Variants in DNTTIP1 observed in about 807,000 individuals in gnomAD.
DNTTIP1 encodes deoxynucleotidyltransferase terminal-interacting protein 1.
DNTTIP1 carries 22 observed loss-of-function variants against 52.9 expected under a neutral mutation model. The ratio of observed to expected loss-of-function variants is 0.42; its 90% CI spans 0.30 to 0.59. DNTTIP1 has a LOEUF of 0.59. DNTTIP1 is among the 20% of genes least tolerant of loss of function. DNTTIP1 has a pLI of 0.22. For missense variants in DNTTIP1, 286 were observed against 435.5 expected, an observed-to-expected ratio of 0.66 and a Z score of 3.06; for synonymous variants, 136 against 155.1, an observed-to-expected ratio of 0.88 and a Z score of 0.92.
chr20:45,792,444 T>A, intron 1 of DNTTIP1: 1 of 501,190 alleles, frequency 2.0e-6, no homozygotes, highest in South Asian at 3.2e-5. Flanking sequence ...AAATACTGCT[T>A]CCCTTCCTCC....
intron 4 of DNTTIP1, among the ~76,000 whole-genome samples, chr20:45,797,850 G>T (rs895526495): frequency 9.2e-5 from 14 of 152,336 alleles, no homozygotes; most frequent in Non-Finnish European, 1.9e-4. Flanking sequence ...TGGAGAGGAT[G>T]TGGAGAAATA....
At position 45,794,431 on chromosome 20, in the gene DNTTIP1, GCCA is replaced by G. The variant is rs1330540390; in HGVS notation, c.273+415_273+417del. Among the ~76,000 whole-genome samples the G allele has an allele frequency of 6.6e-5, 10 of 152,188 alleles. No individual in the cohort carries two copies. In the East Asian group the frequency reaches 1.9e-3, roughly 30 times the overall value. On this transcript the variant is annotated intron_variant, in intron 3 of 12. Coordinates refer to ENST00000372622, the MANE Select transcript of DNTTIP1 (RefSeq NM_052951.3). ...CAAAGTGCTGGGATTATAGGTGTGA[GCCA>G]GGGCACCTGGTCAGTTTTCAAATTT...
In DNTTIP1 at chr20:45,801,779, C is replaced by G. The variant is rs540383292; in HGVS notation, c.499-220C>G. ...CTCCAGGCTGAGTAACAGAGTAAGA[C>G]CCTGTCTCTCAAAAAAGGCTCTTCA... On this transcript the variant is annotated intron_variant, in intron 6 of 12. Coordinates refer to ENST00000372622, the MANE Select transcript of DNTTIP1 (RefSeq NM_052951.3). Among the ~76,000 whole-genome samples, 359 of 152,300 alleles carry G rather than the reference C, an allele frequency of 2.4e-3. 2 individuals carry two copies. Among genetic ancestry groups the G allele is most frequent in the African/African-American group, 8.0e-3 (334 of 41,566 alleles).
chr20:45,792,797 G>C, intron 2 of DNTTIP1, 50 bp downstream of exon 2: 1 of 1,545,406 alleles, frequency 6.5e-7, no homozygotes, highest in South Asian at 1.2e-5. Flanking sequence ...GGCTTGCATG[G>C]CAGATTTGGG....
rs781472079 is a variant in DNTTIP1, at chr20:45,801,985, G to GT, written c.499-8dup. The GT allele has an allele frequency of 6.2e-7, 1 of 1,614,152 alleles. No individual in the cohort carries two copies. Among genetic ancestry groups the GT allele is most frequent in the Non-Finnish European group, 8.5e-7 (1 of 1,179,988 alleles). ...CCACAGGGTCAGACCTCTGACAGCT[G>GT]TTTTTTGTGGCAGAGGAAAGGACGG... On this transcript the variant is annotated splice_polypyrimidine_tract_variant and intron_variant, in intron 6 of 12. Transcript: ENST00000372622.
rs1245797079 is a variant in DNTTIP1, at chr20:45,810,927, A to G, written c.838A>G (p.Ser280Gly). ...IEEDIRDLAASDDYRGCLDLK... is the reference protein window; with the variant it reads ...IEEDIRDLAAGDDYRGCLDLK... ...GGAGGACATCCGGGACCTTGCGGCC[A>G]GTGATGATTACAGGTAAAACCAGTG... Residue 280 changes from serine (S) to glycine (G), a missense_variant, in exon 12 of 13, where the codon AGT becomes GGT. By Grantham distance (56) the Ser-to-Gly change is moderately conservative (BLOSUM62 0). Coordinates refer to ENST00000372622, the MANE Select transcript of DNTTIP1 (RefSeq NM_052951.3). 4 of 1,614,050 alleles carry G rather than the reference A, an allele frequency of 2.5e-6. No individual in the cohort carries two copies. The Admixed American group carries it at 6.7e-5, about 27-fold the overall frequency.
rs955274484 is a variant in DNTTIP1, at chr20:45,791,977, C to T, written c.-28C>T. The T allele has an allele frequency of 3.3e-6, 4 of 1,227,490 alleles. No homozygotes were observed. The highest frequency in any genetic ancestry group is 4.1e-6 in the Non-Finnish European group (4 of 978,250). The allele number at this position is 1,227,490 out of a possible 1,614,324, so 76.0% of individuals were successfully genotyped here. A position where few individuals can be genotyped will look rare whatever the true frequency, so the allele number is the denominator to read the frequency against. ...CCACTTTCCGGCCGGTGACAGAGTCCAGCGGAGTTGTGGGGGCCGGGGGCG... is the reference window on the plus strand; with the variant it reads ...CCACTTTCCGGCCGGTGACAGAGTCTAGCGGAGTTGTGGGGGCCGGGGGCG... On this transcript the variant is annotated 5_prime_UTR_variant, in exon 1 of 13. Coordinates refer to ENST00000372622, the MANE Select transcript of DNTTIP1 (RefSeq NM_052951.3).
intron 7 of DNTTIP1, 38 bp from the exon 8 acceptor site, chr20:45,803,295 C>T (rs1568708647): frequency 6.8e-6 from 11 of 1,611,468 alleles, no homozygotes; most frequent in Non-Finnish European, 9.3e-6. Context: ...CTAGGTCTCA[C>T]CTTGGAGAAT....
intron 10 of DNTTIP1, among the ~76,000 whole-genome samples, chr20:45,806,363 A>AAAAAAAAG (rs1981647094): frequency 6.6e-6 from 1 of 151,562 alleles, no homozygotes; most frequent in African/African-American, 2.4e-5. Flanking sequence ...CTCAAAAAAA[A>AAAAAAAAG]AAAAATAGAG....
At chr20:45,792,247 T>G in intron 1 of DNTTIP1, 138 bp downstream of exon 1, 1 of 488,012 alleles carries the variant, frequency 2.0e-6, no homozygotes, top group Non-Finnish European at 3.2e-6. Flanking sequence ...ACGACCTGGA[T>G]TTAAATTCTG....
chr20:45,811,015 A>C lies in DNTTIP1; in HGVS notation c.852-42A>C, dbSNP rs116653636. 2.8e-4 allele frequency: 444 copies of C among 1,613,434 alleles called. No homozygotes were observed. The African/African-American group carries it at 5.3e-3, about 19-fold the overall frequency. Reference sequence around the variant, plus strand: ...GCCCCTAGAATGAGGCAGGGCCTACATCCTCACTTCCCCCAACTTCTCTCT... The same window carrying C: ...GCCCCTAGAATGAGGCAGGGCCTACCTCCTCACTTCCCCCAACTTCTCTCT... On this transcript the variant is annotated intron_variant, in intron 12 of 12. Coordinates refer to ENST00000372622, the MANE Select transcript of DNTTIP1 (RefSeq NM_052951.3).
chr20:45,803,511 C>A, intron 8 of DNTTIP1, 133 bp downstream of exon 8: 2 of 883,190 alleles, frequency 2.3e-6, no homozygotes, highest in African/African-American at 1.7e-5. Flanking sequence ...TGCCCCTCTC[C>A]ACCTCCAGCC....
chr20:45,801,253 G>A, intron 5 of DNTTIP1, 111 bp downstream of exon 5: 1 of 1,378,344 alleles, frequency 7.3e-7, no homozygotes, highest in Non-Finnish European at 1.0e-6. Context: ...GTAGGACCAG[G>A]CCCACACAGC....
intron 4 of DNTTIP1, among the ~76,000 whole-genome samples, chr20:45,799,135 C>A (rs1347152530): frequency 6.6e-6 from 1 of 152,180 alleles, no homozygotes; most frequent in Non-Finnish European, 1.5e-5. Flanking sequence ...AGAGGATAAC[C>A]TTTTGTCTAC....
At chr20:45,806,154 G>A (rs553408939) in intron 10 of DNTTIP1, among the ~76,000 whole-genome samples, 153 of 151,988 alleles carry the variant, frequency 1.0e-3, no homozygotes, top group Non-Finnish European at 1.2e-3. Context: ...TCGGGAGTTC[G>A]AGACCAGCCT....
intron 8 of DNTTIP1, among the ~76,000 whole-genome samples, chr20:45,804,941 CA>C (rs1193535677): frequency 6.6e-6 from 1 of 152,210 alleles, no homozygotes; most frequent in Non-Finnish European, 1.5e-5. Context: ...TCCTAGAAAA[CA>C]GAGACTGTAT....
chr20:45,809,358 A>G lies in DNTTIP1; in HGVS notation c.795+173A>G, dbSNP rs932039862. Among the ~76,000 whole-genome samples, 2 of 152,208 alleles carry G rather than the reference A, an allele frequency of 1.3e-5. No homozygotes were observed. Among genetic ancestry groups the G allele is most frequent in the African/African-American group, 2.4e-5 (1 of 41,462 alleles). On this transcript the variant is annotated intron_variant, in intron 11 of 12. Coordinates refer to ENST00000372622, the MANE Select transcript of DNTTIP1 (RefSeq NM_052951.3). This position sits in a 1 kb window ranked among gnomAD's most constrained non-coding sequence, Gnocchi z 4.2. ...TGCTGAAGAGCAAATTGTAATCTTC[A>G]GGTTCCCTTCCCTATCCCTAGGTCT...
intron 4 of DNTTIP1, among the ~76,000 whole-genome samples, chr20:45,797,118 T>G (rs1220950165): frequency 6.6e-6 from 1 of 152,200 alleles, no homozygotes; most frequent in Non-Finnish European, 1.5e-5. Flanking sequence ...CGTTACCCAG[T>G]TCCAATCCAC....
At chr20:45,800,253 A>G (rs1444070646) in intron 4 of DNTTIP1, among the ~76,000 whole-genome samples, 1 of 152,084 alleles carries the variant, frequency 6.6e-6, no homozygotes, top group Admixed American at 6.5e-5. Flanking sequence ...AAACATTAAT[A>G]GTAGTTTATG....
Sources: allele counts gnomAD v4.1 joint callset (sites outside exome capture counted in the v4.1 genomes callset), GRCh38; gene constraint gnomAD v4.1.1; non-coding constraint Gnocchi (gnomAD v3.1); transcripts MANE v1.5; gene names NCBI Gene and HGNC (gene_info 2026-07-23, HGNC 2026-07-21).